The following NBPF20 variants were observed in gnomAD, a reference collection of about 807,000 sequenced individuals.
NBPF20 encodes the protein NBPF member 20.
NBPF20 carries 90 observed loss-of-function variants against 68.1 expected under a neutral mutation model. The ratio of observed to expected loss-of-function variants is 1.32; its 90% CI spans 1.11 to 1.58. The LOEUF (loss-of-function observed/expected upper bound fraction) is 1.58. NBPF20 is among the 40% of genes most tolerant of loss of function. The pLI is 0.00. For missense variants in NBPF20, 816 were observed against 601.2 expected (o/e 1.36, Z -3.74); for synonymous variants, 290 against 228.1 (o/e 1.27, Z -2.45).
Position 145,392,880 on chromosome 1 carries a change from A to G in NBPF20, c.1216+194T>C, listed in dbSNP as rs1306548452. 1.3e-4 allele frequency among the ~76,000 whole-genome samples: 12 copies of G among 94,904 alleles called. 3 individuals carry two copies. Among genetic ancestry groups the G allele is most frequent in the Non-Finnish European group, 1.9e-4 (10 of 53,138 alleles). The allele number at this position is 94,904 out of a possible 152,430, so 62.3% of individuals were successfully genotyped here. A position where few individuals can be genotyped will look rare whatever the true frequency, so the allele number is the denominator to read the frequency against. On this transcript the variant is annotated intron_variant, in intron 10 of 137. Coordinates refer to ENST00000369373, the Ensembl canonical transcript of NBPF20. ...ACAGGCATGGCCTGAGACTAGGAAG[A>G]GAGCCTTGCTCACTGACCCATCCCT...
At chr1:145,425,201 C>G in the NBPF20 span, among the ~76,000 whole-genome samples, 1 of 152,074 alleles carries the variant, frequency 6.6e-6, no homozygotes, top group African/African-American at 2.4e-5. Flanking sequence ...ACTTAAGCCC[C>G]GGCGGGGCCG....
At chr1:145,393,601 C>T (rs1216161367) in intron 9 of NBPF20, 1 of 669,738 alleles carries the variant, frequency 1.5e-6, no homozygotes, top group East Asian at 2.7e-5. Flanking sequence ...AAAGCATGTC[C>T]TCAATAATTT....
chr1:145,395,588 T>A (rs1253276366), intron 7 of NBPF20, among the ~76,000 whole-genome samples: 4 of 149,920 alleles, frequency 2.7e-5, no homozygotes, highest in African/African-American at 1.0e-4. Flanking sequence ...TTTTTCAATT[T>A]CTTTTCTTGC....
chr1:145,410,988 C>T, the NBPF20 span, among the ~76,000 whole-genome samples: 1 of 142,490 alleles, frequency 7.0e-6, no homozygotes, highest in Admixed American at 7.0e-5. Context: ...TGGATTCTCT[C>T]TTCTCTTCCA....
At chr1:145,413,452 A>C in the NBPF20 span, among the ~76,000 whole-genome samples, 4 of 152,100 alleles carry the variant, frequency 2.6e-5, no homozygotes, top group Admixed American at 1.3e-4. Context: ...AAACTGTGAT[A>C]CATTCATTCC....
chr1:145,402,890 G>C (rs1379995560), intron 3 of NBPF20, among the ~76,000 whole-genome samples: 3 of 151,330 alleles, frequency 2.0e-5, no homozygotes, highest in Admixed American at 2.0e-4. Context: ...CTAAGGGTAA[G>C]TGGGGTGGTG....
intron 5 of NBPF20, among the ~76,000 whole-genome samples, 176 bp downstream of exon 10, chr1:145,400,883 A>G (rs1316706899): frequency 6.6e-6 from 1 of 151,898 alleles, no homozygotes; most frequent in Non-Finnish European, 1.5e-5. Flanking sequence ...GACACTCGGC[A>G]CACACAGAGA....
intron 7 of NBPF20, among the ~76,000 whole-genome samples, chr1:145,395,613 A>G (rs1352411546): frequency 2.0e-5 from 3 of 150,020 alleles, no homozygotes; most frequent in Admixed American, 2.0e-4. Context: ...ATACTAGCCA[A>G]CATACTACCA....
chr1:145,294,953 G>T (rs1661259794), exon 134 of NBPF20: 1 of 383,052 alleles, frequency 2.6e-6, no homozygotes, highest in Non-Finnish European at 4.3e-6. Flanking sequence ...TCCCTGCTGA[G>T]CCTGGAAAAG....
At chr1:145,403,188 C>A (rs1161824485) in intron 3 of NBPF20, 28 bp downstream of exon 8, 22 of 1,612,038 alleles carry the variant, frequency 1.4e-5, no homozygotes, top group Non-Finnish European at 1.9e-5. Context: ...CACCTGCCCC[C>A]CTGCCTGCCA....
the NBPF20 span, among the ~76,000 whole-genome samples, chr1:145,415,230 G>C: frequency 6.6e-6 from 1 of 151,670 alleles, no homozygotes; most frequent in African/African-American, 2.4e-5. Flanking sequence ...TTAAAGAGCA[G>C]TATTGCTGCC....
chr1:145,292,012 A>G lies in NBPF20; in HGVS notation c.16698-243T>C, dbSNP rs879964294. Reference sequence around the variant, plus strand: ...AGAGAGAGAGAAAGTGACCTAGTGAATTGCCCAGGTGACATACTGGTAAGG... The same window carrying G: ...AGAGAGAGAGAAAGTGACCTAGTGAGTTGCCCAGGTGACATACTGGTAAGG... On this transcript the variant is annotated intron_variant, in intron 137 of 137. Transcript: ENST00000369373. Among the ~76,000 whole-genome samples the G allele has an allele frequency of 3.3e-5, 5 of 149,944 alleles. No individual in the cohort carries two copies. The South Asian group carries it at 1.0e-3, about 31-fold the overall frequency.
intron 137 of NBPF20, among the ~76,000 whole-genome samples, 162 bp from the exon 143 acceptor site, chr1:145,291,931 C>T (rs143057139): frequency 6.6e-6 from 1 of 151,084 alleles, no homozygotes; most frequent in Admixed American, 6.6e-5. Flanking sequence ...TGGGATAGAA[C>T]AGGGCCAGGT....
upstream of NBPF20, among the ~76,000 whole-genome samples, chr1:145,410,504 G>A (rs112294224): frequency 1.1e-4 from 17 of 150,416 alleles, 1 homozygote; most frequent in Non-Finnish European, 2.2e-4. Flanking sequence ...TAGTAGAGAC[G>A]GGGTTTCACC....
rs75477780 is a variant in NBPF20 at position 145,399,992 on chromosome 1, G to T, written c.775+394C>A. Among the ~76,000 whole-genome samples the T allele has an allele frequency of 2.0e-3, 300 of 152,234 alleles. 2 individuals carry two copies. Among genetic ancestry groups the T allele is most frequent in the Admixed American group, 7.1e-3 (108 of 15,286 alleles). ...GATGAAAGCTGAGAGCAGTGAAGCC[G>T]GGGGAACAATATTTCCAAATACAAA... On this transcript the variant is annotated intron_variant, in intron 6 of 137. Coordinates refer to ENST00000369373, the Ensembl canonical transcript of NBPF20.
intron 7 of NBPF20, among the ~76,000 whole-genome samples, chr1:145,397,532 G>T (rs1195682632): frequency 2.7e-4 from 41 of 152,186 alleles, no homozygotes; most frequent in African/African-American, 9.7e-4. Context: ...AGAAGCAAAT[G>T]CTGAGAGATT....
chr1:145,352,290 C>A (rs1208648640), intron 61 of NBPF20, among the ~76,000 whole-genome samples: 9 of 90,218 alleles, frequency 1.0e-4, no homozygotes, highest in Non-Finnish European at 2.4e-5. Flanking sequence ...CAGATAGACA[C>A]ACACACACAC....
exon 138 of NBPF20, chr1:145,291,482 G>A (rs781993163): frequency 1.2e-6 from 2 of 1,611,868 alleles, no homozygotes; most frequent in East Asian, 2.2e-5. Flanking sequence ...GTGCCTATAG[G>A]TCCTGCCTGC....
chr1:145,392,959 G>C, intron 10 of NBPF20, 115 bp downstream of exon 15: 1 of 347,630 alleles, frequency 2.9e-6, no homozygotes, highest in Non-Finnish European at 4.8e-6. Context: ...TGTGCCTATA[G>C]GACCTCCCTG....
Sources: gnomAD v4.1 joint callset for allele counts (sites outside exome capture counted in the v4.1 genomes callset) on GRCh38, gnomAD v4.1.1 for gene constraint, MANE v1.5 for transcripts, NCBI Gene and HGNC (gene_info 2026-07-23, HGNC 2026-07-21) for gene names.